Variants in TRPC1 observed in about 807,000 individuals in gnomAD.
TRPC1 encodes the protein short transient receptor potential channel 1.
In TRPC1, 42 loss-of-function variants were observed where a neutral mutation model predicts 88.2. The observed-to-expected ratio is 0.48, with a 90% CI of 0.37 to 0.62. The LOEUF (loss-of-function observed/expected upper bound fraction) is 0.62. Among genes scored for constraint, TRPC1 ranks in the 20% least tolerant of loss-of-function variants. The probability of loss-of-function intolerance (pLI) is 0.00; values close to 1 mark genes in which losing one functional copy is unlikely to be tolerated. For synonymous variants in TRPC1, 288 were observed against 331.8 expected (o/e 0.87, Z 1.43); for missense variants, 699 against 957.3 (o/e 0.73, Z 3.56).
chr3:142,724,507 G>A lies in TRPC1; in HGVS notation c.-53G>A, dbSNP rs993154904. On this transcript the variant is annotated 5_prime_UTR_variant, in exon 1 of 13. Coordinates refer to ENST00000476941, the MANE Select transcript of TRPC1 (RefSeq NM_001251845.2). This position sits in a 1 kb window ranked among gnomAD's most constrained non-coding sequence, Gnocchi z 5.6. ...TGGCTGGGGTCGGGGTCGGGGTCGG[G>A]GCCGGTGGGGGCCCCGCCCCCGTCT... The A allele has an allele frequency of 1.4e-4, 204 of 1,462,922 alleles. No homozygotes were observed. Among genetic ancestry groups the A allele is most frequent in the Non-Finnish European group, 1.5e-4 (172 of 1,113,174 alleles). 90.6% of individuals were successfully genotyped at this position (1,462,922 alleles called of 1,614,324 possible). A position where few individuals can be genotyped will look rare whatever the true frequency, so the allele number is the denominator to read the frequency against.
chr3:142,745,515 G>A (rs963199644), intron 3 of TRPC1, among the ~76,000 whole-genome samples: 10 of 152,076 alleles, frequency 6.6e-5, no homozygotes, highest in Admixed American at 2.0e-4. Context: ...GTGGTGCCGT[G>A]CACCTGTCAT....
intron 12 of TRPC1, among the ~76,000 whole-genome samples, chr3:142,805,127 TATACACACACACAC>T (rs1338977605): frequency 5.4e-4 from 65 of 120,478 alleles, no homozygotes; most frequent in South Asian, 2.7e-3. Flanking sequence ...CAAATATATA[TATACACACACACAC>T]ACACACACAC....
intron 9 of TRPC1, among the ~76,000 whole-genome samples, chr3:142,800,803 A>T (rs1362904388): frequency 1.3e-5 from 2 of 151,970 alleles, no homozygotes; most frequent in Non-Finnish European, 2.9e-5. Flanking sequence ...CTGTAATCCC[A>T]GCTACTTGGG....
chr3:142,769,352 C>A (rs1251397800), intron 4 of TRPC1, among the ~76,000 whole-genome samples: 1 of 152,014 alleles, frequency 6.6e-6, no homozygotes, highest in Non-Finnish European at 1.5e-5. Flanking sequence ...TTTCTTCTTT[C>A]TATTTTTAAA....
At chr3:142,756,681 G>C (rs1322450313) in intron 4 of TRPC1, among the ~76,000 whole-genome samples, 1 of 152,072 alleles carries the variant, frequency 6.6e-6, no homozygotes, top group African/African-American at 2.4e-5. Context: ...TTCTAATTCT[G>C]CCACATACTT....
chr3:142,762,518 TC>T (rs1935222876), intron 4 of TRPC1, among the ~76,000 whole-genome samples: 1 of 138,560 alleles, frequency 7.2e-6, no homozygotes, highest in African/African-American at 2.7e-5. Context: ...AACCTCCACC[TC>T]CCGGGTTGAA....
intron 10 of TRPC1, among the ~76,000 whole-genome samples, chr3:142,803,096 A>C (rs1405356810): frequency 6.6e-6 from 1 of 152,198 alleles, no homozygotes; most frequent in African/African-American, 2.4e-5. Context: ...TACAGGCAAT[A>C]AAAAGAGGAG....
In TRPC1 at chr3:142,795,170, T is replaced by C. The variant is rs191334667; in HGVS notation, c.1581+2203T>C. 3.4e-3 allele frequency among the ~76,000 whole-genome samples: 512 copies of C among 151,860 alleles called. 7 individuals are homozygous for C. The Middle Eastern group carries it at 0.048, about 14-fold the overall frequency. On this transcript the variant is annotated intron_variant, in intron 9 of 12. Coordinates refer to ENST00000476941, the MANE Select transcript of TRPC1 (RefSeq NM_001251845.2). The stretch of plus-strand genomic sequence containing the variant: ...ACAATAGAAACTATTCAAAATAAAA[T>C]GGAGAAGAAAGAATTTTTAAAAATG...
intron 4 of TRPC1, among the ~76,000 whole-genome samples, chr3:142,759,028 G>GTA (rs1380539406): frequency 6.6e-6 from 1 of 152,070 alleles, no homozygotes; most frequent in Non-Finnish European, 1.5e-5. Flanking sequence ...TGGCTGCATA[G>GTA]TATTCCATGG....
At chr3:142,756,991 T>C (rs528065808) in intron 4 of TRPC1, among the ~76,000 whole-genome samples, 31 of 152,340 alleles carry the variant, frequency 2.0e-4, no homozygotes, top group African/African-American at 6.5e-4. Flanking sequence ...CTTTCTGTGC[T>C]TGGCTTATAT....
At chr3:142,774,735 A>T (rs1488380143) in intron 4 of TRPC1, among the ~76,000 whole-genome samples, 2 of 151,586 alleles carry the variant, frequency 1.3e-5, no homozygotes, top group Non-Finnish European at 2.9e-5. Context: ...TGTGGAGGGG[A>T]ATTACTGACC....
At chr3:142,799,099 C>T (rs759386428) in intron 9 of TRPC1, among the ~76,000 whole-genome samples, 2 of 152,068 alleles carry the variant, frequency 1.3e-5, no homozygotes, top group Non-Finnish European at 2.9e-5. Context: ...AAAATAGTTT[C>T]ACTACATTAA....
At chr3:142,769,555 A>AC (rs1329317050) in intron 4 of TRPC1, among the ~76,000 whole-genome samples, 1 of 151,986 alleles carries the variant, frequency 6.6e-6, no homozygotes, top group Admixed American at 6.6e-5. Flanking sequence ...CTTTAGCTGA[A>AC]CCCCATAATT....
intron 4 of TRPC1, among the ~76,000 whole-genome samples, chr3:142,750,202 C>T (rs1223289492): frequency 4.6e-5 from 7 of 152,136 alleles, no homozygotes; most frequent in Admixed American, 2.0e-4. Flanking sequence ...CCAGAATCTA[C>T]AAGGAACTTA....
Position 142,806,355 on chromosome 3 carries a change from C to A in TRPC1, c.*120C>A. ...AATAAAGAATTATGTAAAAGCCATTCTTTAAAATATTTATAGCATAAATAT... is the reference window on the plus strand; with the variant it reads ...AATAAAGAATTATGTAAAAGCCATTATTTAAAATATTTATAGCATAAATAT... On this transcript the variant is annotated 3_prime_UTR_variant, in exon 13 of 13. Transcript: ENST00000476941. The A allele has an allele frequency of 1.2e-6, 1 of 818,166 alleles. No individual in the cohort carries two copies. The highest frequency in any genetic ancestry group is 1.9e-6 in the Non-Finnish European group (1 of 538,132). The allele number at this position is 818,166 out of a possible 1,614,324, so 50.7% of individuals were successfully genotyped here.
chr3:142,743,224 A>C (rs1221278636), intron 2 of TRPC1, among the ~76,000 whole-genome samples: 1 of 152,138 alleles, frequency 6.6e-6, no homozygotes, highest in African/African-American at 2.4e-5. Flanking sequence ...CTGTTACTCT[A>C]ATAATCCCTT....
At chr3:142,753,395 A>T (rs1934846321) in intron 4 of TRPC1, among the ~76,000 whole-genome samples, 1 of 152,192 alleles carries the variant, frequency 6.6e-6, no homozygotes, top group Admixed American at 6.5e-5. Flanking sequence ...ATTTGTACGA[A>T]ATGGCAAGGA....
Position 142,792,080 on chromosome 3 carries a change from GT to G in TRPC1, c.1438-741del, listed in dbSNP as rs753290067. 6.6e-5 allele frequency among the ~76,000 whole-genome samples: 10 copies of G among 151,932 alleles called. No homozygotes were observed. The highest frequency in any genetic ancestry group is 1.3e-4 in the Admixed American group (2 of 15,232). ...TAATTTTACTTTATTAAAAAATTCT[GT>G]TTAATTGATCAGTAGTATGGAATAT... On this transcript the variant is annotated intron_variant, in intron 8 of 12. Coordinates refer to ENST00000476941, the MANE Select transcript of TRPC1 (RefSeq NM_001251845.2). The surrounding 1 kb of genome is among the most constrained non-coding windows in gnomAD (Gnocchi z 4.0).
chr3:142,757,789 T>C (rs1935029911), intron 4 of TRPC1, among the ~76,000 whole-genome samples: 1 of 152,136 alleles, frequency 6.6e-6, no homozygotes, highest in Admixed American at 6.5e-5. Flanking sequence ...TCTGCACATG[T>C]AGCCCAGAAC....
Sources: gnomAD v4.1 joint callset for allele counts (sites outside exome capture counted in the v4.1 genomes callset) on GRCh38, gnomAD v4.1.1 for gene constraint, Gnocchi (gnomAD v3.1) non-coding constraint, MANE v1.5 for transcripts, NCBI Gene and HGNC (gene_info 2026-07-23, HGNC 2026-07-21) for gene names.